Variants in NRXN1 observed in about 807,000 individuals in gnomAD.
NRXN1 encodes neurexin 1.
A neutral mutation model predicts 150.9 loss-of-function variants in NRXN1; 39 were observed. The ratio of observed to expected loss-of-function variants is 0.26; its 90% CI spans 0.20 to 0.34. The LOEUF is 0.34. NRXN1 is among the 10% of genes least tolerant of loss of function. NRXN1 has a pLI of 1.00. For synonymous variants in NRXN1, 924 were observed against 757.0 expected, an observed-to-expected ratio of 1.22 and a Z score of -3.62; for missense variants, 1,815 against 1,949.9, an observed-to-expected ratio of 0.93 and a Z score of 1.30.
chr2:50,377,135 G>A (rs1049944654), intron 17 of NRXN1, among the ~76,000 whole-genome samples: 1 of 151,858 alleles, frequency 6.6e-6, no homozygotes, highest in Non-Finnish European at 1.5e-5. Flanking sequence ...TGAAGGATGT[G>A]CAGGTTTGTT....
intron 22 of NRXN1, among the ~76,000 whole-genome samples, chr2:49,937,195 A>T (rs1671200690): frequency 6.6e-6 from 1 of 152,184 alleles, no homozygotes; most frequent in South Asian, 2.1e-4. Flanking sequence ...TCATGAAAAC[A>T]TGAGATAGTT....
intron 5 of NRXN1, among the ~76,000 whole-genome samples, chr2:50,693,561 A>C: frequency 6.6e-6 from 1 of 152,174 alleles, no homozygotes. Context: ...AAAATGGCAC[A>C]ACTGCACTAC....
chr2:49,921,929 T>C lies in NRXN1; in HGVS notation c.*15A>G, dbSNP rs1489036664. On this transcript the variant is annotated 3_prime_UTR_variant, in exon 23 of 23. Coordinates refer to ENST00000401669, the MANE Select transcript of NRXN1 (RefSeq NM_001330078.2). ...AAGACTATTTCTATACAAGTGTCCA[T>C]TTAAGATCTTGGGATCAGACATAAT... 3 of 1,612,354 alleles carry C rather than the reference T, an allele frequency of 1.9e-6. No individual in the cohort carries two copies. The South Asian group carries it at 3.3e-5, about 18-fold the overall frequency.
chr2:50,608,212 A>T (rs556422734), intron 8 of NRXN1, among the ~76,000 whole-genome samples: 2 of 152,324 alleles, frequency 1.3e-5, no homozygotes, highest in South Asian at 4.1e-4. Flanking sequence ...ATTAATTGGC[A>T]GTGTTTCGTG....
chr2:50,791,534 C>T (rs1486799296), intron 5 of NRXN1, among the ~76,000 whole-genome samples: 2 of 152,024 alleles, frequency 1.3e-5, no homozygotes, highest in Non-Finnish European at 2.9e-5. Flanking sequence ...GGGGCTTTTC[C>T]CTTCAGTTTG....
In NRXN1 at chr2:49,992,319, C is replaced by T. The variant is rs917365995; in HGVS notation, c.4129-48528G>A. Among the ~76,000 whole-genome samples, 14 of 151,806 alleles carry T rather than the reference C, an allele frequency of 9.2e-5. No homozygotes were observed. The East Asian group carries it at 1.2e-3, about 13-fold the overall frequency. ...CTTTGGGAGGCCAAGGTGGGTGAAT[C>T]ATGAGGTCAGGAAATTGAGACCATC... On this transcript the variant is annotated intron_variant, in intron 21 of 22. Coordinates refer to ENST00000401669, the MANE Select transcript of NRXN1 (RefSeq NM_001330078.2).
intron 17 of NRXN1, among the ~76,000 whole-genome samples, chr2:50,310,590 C>A (rs2075092504): frequency 6.6e-6 from 1 of 152,018 alleles, no homozygotes; most frequent in African/African-American, 2.4e-5. Context: ...AATAATAAAT[C>A]AATTTAAACA....
chr2:50,538,326 C>T lies in NRXN1; in HGVS notation c.2070G>A (p.Met690Ile), dbSNP rs1334898954. 1.9e-6 allele frequency: 3 copies of T among 1,614,002 alleles called. No homozygotes were observed. The highest frequency in any genetic ancestry group is 1.6e-4 in the Middle Eastern group (1 of 6,062). ...CATATCTGTTCCACCCATCCCTGCA[C>T]ATGCCATTGTTTTTGCAAGGGTTGC... ...CLSNPCKNNG[M>I]CRDGWNRYVC... is the part of the protein sequence containing the mutation. Residue 690 changes from methionine (M) to isoleucine (I), a missense_variant, in exon 10 of 23, where the codon ATG (methionine) becomes ATA (isoleucine). Coordinates refer to ENST00000401669, the MANE Select transcript of NRXN1 (RefSeq NM_001330078.2).
At chr2:50,107,564 C>A in intron 18 of NRXN1, among the ~76,000 whole-genome samples, 1 of 132,670 alleles carries the variant, frequency 7.5e-6, no homozygotes, top group Middle Eastern at 4.2e-3. Flanking sequence ...CCAAGTACTA[C>A]AATAGAAATG....
intron 5 of NRXN1, among the ~76,000 whole-genome samples, chr2:50,673,772 T>A (rs976677461): frequency 6.6e-6 from 1 of 152,126 alleles, no homozygotes; most frequent in Non-Finnish European, 1.5e-5. Flanking sequence ...TATCAGGGTC[T>A]ATTTTACTTA....
chr2:50,542,512 G>A (rs2093414148), intron 9 of NRXN1, among the ~76,000 whole-genome samples: 1 of 152,112 alleles, frequency 6.6e-6, no homozygotes, highest in African/African-American at 2.4e-5. Flanking sequence ...AAATAGGGCT[G>A]AAAATCAAGT....
chr2:50,865,074 G>A (rs191257389), intron 5 of NRXN1, among the ~76,000 whole-genome samples: 2 of 151,910 alleles, frequency 1.3e-5, no homozygotes, highest in Non-Finnish European at 2.9e-5. Context: ...ATGCGGTGAG[G>A]GGGAGAAAAA....
intron 17 of NRXN1, among the ~76,000 whole-genome samples, chr2:50,255,695 G>A (rs565954120): frequency 4.6e-5 from 7 of 152,146 alleles, no homozygotes; most frequent in South Asian, 2.1e-4. Context: ...CAGTTCTAGG[G>A]TCATTTTAAA....
intron 18 of NRXN1, among the ~76,000 whole-genome samples, chr2:50,212,994 A>G (rs889822642): frequency 6.6e-6 from 1 of 151,844 alleles, no homozygotes; most frequent in African/African-American, 2.4e-5. Context: ...TCACCTTTGA[A>G]ATTGTTTCCC....
At chr2:50,083,186 T>C (rs1370225776) in intron 19 of NRXN1, among the ~76,000 whole-genome samples, 3 of 152,174 alleles carry the variant, frequency 2.0e-5, no homozygotes, top group East Asian at 1.9e-4. Flanking sequence ...CATAACTACA[T>C]AGCAATAATG....
At chr2:49,957,538 T>TC (rs1675196254) in intron 21 of NRXN1, among the ~76,000 whole-genome samples, 3 of 152,144 alleles carry the variant, frequency 2.0e-5, no homozygotes, top group Non-Finnish European at 4.4e-5. Context: ...ACATCCATGT[T>TC]TAAATATTCT....
rs976799494 is a variant in NRXN1 at position 49,919,393 on chromosome 2, CTT to C, written c.*2549_*2550del. 6.6e-6 allele frequency: 1 copy of C among 151,922 alleles called. No individual in the cohort carries two copies. Among genetic ancestry groups the C allele is most frequent in the Non-Finnish European group, 1.5e-5 (1 of 67,946 alleles). 9.4% of individuals were successfully genotyped at this position (151,922 alleles called of 1,614,324 possible). ...AAACTATATCAATCATTGCATGTAA[CTT>C]TAAAATTTACGCTGGGGAGAAACAT... On this transcript the variant is annotated 3_prime_UTR_variant, in exon 23 of 23. Coordinates refer to ENST00000401669, the MANE Select transcript of NRXN1 (RefSeq NM_001330078.2).
chr2:50,491,189 C>T lies in NRXN1; in HGVS notation c.3070+4716G>A, dbSNP rs17040740. 5.4e-4 allele frequency among the ~76,000 whole-genome samples: 82 copies of T among 152,190 alleles called. 1 individual carries two copies. The highest frequency in any genetic ancestry group is 1.9e-3 in the African/African-American group (80 of 41,518). On this transcript the variant is annotated intron_variant, in intron 15 of 22. Transcript: ENST00000401669. ...TGGGCATGTTTAAATGTGATTATGA[C>T]TTTGAATAGAATCTGGTTTACTGAA...
At chr2:50,135,686 A>G (rs1706292772) in intron 18 of NRXN1, among the ~76,000 whole-genome samples, 2 of 152,110 alleles carry the variant, frequency 1.3e-5, no homozygotes, top group East Asian at 1.9e-4. Context: ...GCAAGACTCC[A>G]TCTCAAAAAA....
Sources: gnomAD v4.1 joint callset for allele counts (sites outside exome capture counted in the v4.1 genomes callset) on GRCh38, gnomAD v4.1.1 for gene constraint, MANE v1.5 for transcripts, NCBI Gene and HGNC (gene_info 2026-07-23, HGNC 2026-07-21) for gene names.